LY96: variants seen among roughly 807,000 people sequenced by gnomAD.
LY96 encodes myeloid differentiation protein-2.
In LY96, 18 loss-of-function variants were observed where a neutral mutation model predicts 18.9. That is an observed-to-expected ratio of 0.95 (90% CI 0.66 to 1.41). The LOEUF is 1.41. Ranked by LOEUF, LY96 falls within the 40% of genes most tolerant of loss-of-function variation. The probability of loss-of-function intolerance (pLI) is 0.00; values close to 1 mark genes in which losing one functional copy is unlikely to be tolerated. For missense variants in LY96, 175 were observed against 182.4 expected, an observed-to-expected ratio of 0.96 and a Z score of 0.23; for synonymous variants, 66 against 62.6, an observed-to-expected ratio of 1.06 and a Z score of -0.26.
chr8:74,057,445 C>G, the LY96 span, among the ~76,000 whole-genome samples: 5 of 152,182 alleles, frequency 3.3e-5, no homozygotes, highest in Non-Finnish European at 7.3e-5. Flanking sequence ...ATTGGATCAT[C>G]CTCAGAAGGT....
At chr8:74,014,704 A>G (rs1424358725) in intron 3 of LY96, among the ~76,000 whole-genome samples, 1 of 152,012 alleles carries the variant, frequency 6.6e-6, no homozygotes, top group African/African-American at 2.4e-5. Context: ...TATGTTTAAA[A>G]TAATTTTCCT....
downstream of LY96, among the ~76,000 whole-genome samples, chr8:74,029,680 G>C (rs1302758743): frequency 6.6e-6 from 1 of 152,066 alleles, no homozygotes; most frequent in East Asian, 1.9e-4. Flanking sequence ...ATTGTTTTGA[G>C]ATGGAGTCTC....
intron 4 of LY96, among the ~76,000 whole-genome samples, chr8:74,027,460 A>G (rs1816894277): frequency 1.3e-5 from 2 of 151,850 alleles, no homozygotes; most frequent in Non-Finnish European, 2.9e-5. Context: ...ACATGCCACT[A>G]TGCCCAGCTA....
the LY96 span, among the ~76,000 whole-genome samples, chr8:74,090,571 T>C: frequency 6.6e-5 from 10 of 152,368 alleles, no homozygotes; most frequent in African/African-American, 2.4e-4. Context: ...ATAAATTACA[T>C]GTCTCAACCC....
chr8:74,035,384 C>G, the LY96 span, among the ~76,000 whole-genome samples: 1 of 152,132 alleles, frequency 6.6e-6, no homozygotes, highest in African/African-American at 2.4e-5. Flanking sequence ...GGCAGCCACG[C>G]CGCCCTGGCA....
At chr8:73,998,292 G>A (rs1207232888) in intron 1 of LY96, among the ~76,000 whole-genome samples, 1 of 152,078 alleles carries the variant, frequency 6.6e-6, no homozygotes, top group Non-Finnish European at 1.5e-5. Flanking sequence ...GCCATAAACT[G>A]GGGCAGAGAC....
chr8:74,009,105 C>T (rs757017981), intron 2 of LY96, among the ~76,000 whole-genome samples: 6 of 151,898 alleles, frequency 4.0e-5, no homozygotes, highest in Non-Finnish European at 7.4e-5. Flanking sequence ...AAGGATTGTG[C>T]ATCTTTTTTG....
the LY96 span, among the ~76,000 whole-genome samples, chr8:74,087,439 T>C: frequency 6.6e-6 from 1 of 152,158 alleles, no homozygotes; most frequent in East Asian, 1.9e-4. Context: ...CTACTAATCC[T>C]GAGAAGCCTC....
the LY96 span, among the ~76,000 whole-genome samples, chr8:74,054,639 T>C: frequency 7.6e-6 from 1 of 131,042 alleles, no homozygotes; most frequent in South Asian, 2.8e-4. Flanking sequence ...TTTCTTTCTT[T>C]CTTTCTTTCT....
chr8:74,035,967 C>T, the LY96 span, among the ~76,000 whole-genome samples: 1 of 152,152 alleles, frequency 6.6e-6, no homozygotes, highest in African/African-American at 2.4e-5. Context: ...AAGCTGTATC[C>T]TGATTACCTA....
chr8:74,077,112 T>C, the LY96 span, among the ~76,000 whole-genome samples: 1 of 152,286 alleles, frequency 6.6e-6, no homozygotes, highest in African/African-American at 2.4e-5. Context: ...GGGCAACATA[T>C]GGGGCCAGAG....
chr8:74,044,230 G>A, the LY96 span, among the ~76,000 whole-genome samples: 3 of 149,582 alleles, frequency 2.0e-5, no homozygotes, highest in South Asian at 6.3e-4. Flanking sequence ...TGCCCAGTCT[G>A]GAGTGCAGTG....
the LY96 span, among the ~76,000 whole-genome samples, chr8:74,093,784 C>T: frequency 6.6e-6 from 1 of 152,074 alleles, no homozygotes; most frequent in East Asian, 1.9e-4. Context: ...TCAAATTTCA[C>T]CCTCTGCAGG....
At chr8:74,054,005 A>G in the LY96 span, among the ~76,000 whole-genome samples, 1 of 152,192 alleles carries the variant, frequency 6.6e-6, no homozygotes, top group Admixed American at 6.5e-5. Context: ...TGGACTCTCC[A>G]GAATTGTTAG....
the LY96 span, among the ~76,000 whole-genome samples, chr8:74,062,011 G>A: frequency 6.6e-6 from 1 of 152,184 alleles, no homozygotes; most frequent in East Asian, 1.9e-4. Context: ...ATTGCAAAAT[G>A]AGCATGCCCA....
At chr8:74,094,332 A>T in the LY96 span, among the ~76,000 whole-genome samples, 2 of 152,246 alleles carry the variant, frequency 1.3e-5, no homozygotes, top group East Asian at 3.9e-4. Flanking sequence ...AAAAGGTGGG[A>T]CATAATGAAC....
At chr8:74,072,223 A>C in the LY96 span, among the ~76,000 whole-genome samples, 1 of 152,332 alleles carries the variant, frequency 6.6e-6, no homozygotes, top group Non-Finnish European at 1.5e-5. Context: ...AAAGCTGTGA[A>C]GTGGACATTT....
chr8:74,034,975 A>T, the LY96 span, among the ~76,000 whole-genome samples: 1 of 152,326 alleles, frequency 6.6e-6, no homozygotes, highest in East Asian at 1.9e-4. Flanking sequence ...TTAAAGGAAG[A>T]TAATTACTGA....
the LY96 span, among the ~76,000 whole-genome samples, chr8:74,086,621 A>G: frequency 5.3e-5 from 8 of 152,380 alleles, no homozygotes; most frequent in African/African-American, 1.7e-4. Context: ...GATAATTCAT[A>G]TTCTAACTGA....
Sources: allele counts gnomAD v4.1 joint callset (sites outside exome capture counted in the v4.1 genomes callset), GRCh38; gene constraint gnomAD v4.1.1; transcripts MANE v1.5; gene names NCBI Gene and HGNC (gene_info 2026-07-23, HGNC 2026-07-21).